DLGAP1: variants seen among roughly 807,000 people sequenced by gnomAD.
DLGAP1 encodes DLG associated protein 1, also known as disks large-associated protein 1.
Under a neutral mutation model 90.8 loss-of-function variants are expected in DLGAP1, and 11 were observed. The observed-to-expected ratio is 0.12, with a 90% confidence interval of 0.08 to 0.20. The LOEUF (loss-of-function observed/expected upper bound fraction) is 0.20. Ranked by LOEUF, DLGAP1 falls within the 10% of genes least tolerant of loss-of-function variation. The pLI, the probability that DLGAP1 is intolerant of heterozygous loss-of-function variation, is 1.00. For missense variants in DLGAP1, 1,050 were observed against 1,333.8 expected (o/e 0.79, Z 3.31); for synonymous variants, 558 against 540.7 (o/e 1.03, Z -0.44).
At chr18:3,888,493 A>C (rs2148850502) in intron 3 of DLGAP1, among the ~76,000 whole-genome samples, 1 of 151,932 alleles carries the variant, frequency 6.6e-6, no homozygotes, top group South Asian at 2.1e-4. Flanking sequence ...TCTGTCAATC[A>C]GTCTGCTCCT....
intron 5 of DLGAP1, among the ~76,000 whole-genome samples, chr18:3,766,578 A>T (rs1413326580): frequency 6.6e-6 from 1 of 151,484 alleles, no homozygotes. Context: ...TTGGGGCCAT[A>T]AAAAAAAACT....
intron 8 of DLGAP1, 84 bp from the exon 9 acceptor site, chr18:3,567,665 C>T (rs936455423): frequency 4.8e-5 from 58 of 1,212,364 alleles, no homozygotes; most frequent in Non-Finnish European, 6.7e-5. Flanking sequence ...TGAGAAAAAT[C>T]TCTAATATGA....
At chr18:4,114,185 T>C (rs1025579195) in intron 2 of DLGAP1, among the ~76,000 whole-genome samples, 4 of 151,896 alleles carry the variant, frequency 2.6e-5, no homozygotes, top group Admixed American at 6.6e-5. Flanking sequence ...AGGAATAGTG[T>C]TGAATCTACA....
At chr18:4,398,828 G>A (rs1281568857) in intron 1 of DLGAP1, among the ~76,000 whole-genome samples, 2 of 151,884 alleles carry the variant, frequency 1.3e-5, no homozygotes, top group Admixed American at 6.6e-5. Context: ...CAAGAGTGCC[G>A]TTTTTTTGTT....
At chr18:4,426,308 A>G (rs568112969) in intron 1 of DLGAP1, among the ~76,000 whole-genome samples, 66 of 152,206 alleles carry the variant, frequency 4.3e-4, no homozygotes, top group Non-Finnish European at 6.5e-4. Context: ...CCCCTTAAAA[A>G]GTTCTCCCCA....
intron 3 of DLGAP1, among the ~76,000 whole-genome samples, chr18:3,889,428 T>A (rs556187332): frequency 4.6e-5 from 7 of 152,278 alleles, no homozygotes; most frequent in African/African-American, 1.7e-4. Context: ...CATATATATA[T>A]ATATATTTAC....
chr18:3,588,318 G>T (rs1364590380), intron 7 of DLGAP1, among the ~76,000 whole-genome samples: 1 of 152,160 alleles, frequency 6.6e-6, no homozygotes, highest in African/African-American at 2.4e-5. Context: ...AATTAGTCAG[G>T]CGTGGCAGCA....
chr18:3,569,783 G>A (rs1244213424), intron 8 of DLGAP1, among the ~76,000 whole-genome samples: 1 of 151,802 alleles, frequency 6.6e-6, no homozygotes, highest in Non-Finnish European at 1.5e-5. Flanking sequence ...AGCTTTATCT[G>A]ATACCAAACT....
intron 1 of DLGAP1, among the ~76,000 whole-genome samples, chr18:4,313,626 T>C (rs1172197559): frequency 1.3e-5 from 2 of 152,080 alleles, no homozygotes; most frequent in East Asian, 1.9e-4. Context: ...GCCCTGCAAA[T>C]AGGCTCTGGC....
intron 1 of DLGAP1, among the ~76,000 whole-genome samples, chr18:4,185,968 A>G (rs1413788612): frequency 6.6e-6 from 1 of 152,036 alleles, no homozygotes; most frequent in East Asian, 1.9e-4. Flanking sequence ...TTTTAATAAT[A>G]GCCATTCTGA....
intron 5 of DLGAP1, among the ~76,000 whole-genome samples, chr18:3,788,128 C>G (rs911810532): frequency 6.6e-6 from 1 of 152,332 alleles, no homozygotes; most frequent in South Asian, 2.1e-4. Context: ...ATCCACACTT[C>G]TCCATCCTCT....
At chr18:3,940,939 CAG>C (rs1259505079) in intron 3 of DLGAP1, among the ~76,000 whole-genome samples, 21 of 152,234 alleles carry the variant, frequency 1.4e-4, no homozygotes, top group South Asian at 4.1e-4. Context: ...CCCACAGTGA[CAG>C]AGAGACAGCA....
intron 4 of DLGAP1, among the ~76,000 whole-genome samples, chr18:3,863,557 G>A (rs111502835): frequency 6.6e-6 from 1 of 152,320 alleles, no homozygotes; most frequent in African/African-American, 2.4e-5. Context: ...CTCTGAGGGT[G>A]GCCCCAGAGG....
intron 7 of DLGAP1, among the ~76,000 whole-genome samples, chr18:3,592,354 G>A (rs2056295193): frequency 6.6e-6 from 1 of 152,194 alleles, no homozygotes; most frequent in Admixed American, 6.5e-5. Flanking sequence ...TATGCTGGCC[G>A]GACTTTCCAA....
At position 3,920,556 on chromosome 18, in the gene DLGAP1, T is replaced by A. The variant is rs1245348783; in HGVS notation, c.-72-40416A>T. 2.0e-5 allele frequency among the ~76,000 whole-genome samples: 3 copies of A among 152,252 alleles called. No homozygotes were observed. The East Asian group carries it at 5.8e-4, about 29-fold the overall frequency. ...TTCAGTACGTCTATCTTCACATTTC[T>A]CACCCCTTAATTTTTCCCCAATAGC... On this transcript the variant is annotated intron_variant, in intron 3 of 12. Transcript: ENST00000315677.
At chr18:4,146,452 C>T (rs16946098) in intron 2 of DLGAP1, among the ~76,000 whole-genome samples, 3,142 of 152,074 alleles carry the variant, frequency 0.021, 52 homozygotes, top group African/African-American at 0.048. Context: ...AATTTTGTGT[C>T]GGATTTTAGG....
chr18:3,584,938 G>A (rs2145442040), intron 7 of DLGAP1, among the ~76,000 whole-genome samples: 1 of 152,198 alleles, frequency 6.6e-6, no homozygotes, highest in South Asian at 2.1e-4. Flanking sequence ...TTTTTGTAGA[G>A]ATGGGGGTCT....
intron 9 of DLGAP1, among the ~76,000 whole-genome samples, chr18:3,540,208 T>G (rs1001745015): frequency 2.0e-5 from 3 of 152,132 alleles, no homozygotes; most frequent in African/African-American, 7.2e-5. Flanking sequence ...GGCTCACGTC[T>G]GTAGTCCCAG....
chr18:3,644,808 T>C (rs1196886981), intron 7 of DLGAP1, among the ~76,000 whole-genome samples: 1 of 152,202 alleles, frequency 6.6e-6, no homozygotes, highest in Non-Finnish European at 1.5e-5. Flanking sequence ...AATTGTAATA[T>C]ATCCATATAG....
Sources: allele counts gnomAD v4.1 joint callset (sites outside exome capture counted in the v4.1 genomes callset), GRCh38; gene constraint gnomAD v4.1.1; transcripts MANE v1.5; gene names NCBI Gene and HGNC (gene_info 2026-07-23, HGNC 2026-07-21).